DDOST: variants seen among roughly 807,000 people sequenced by gnomAD.
DDOST encodes dolichyl-diphosphooligosaccharide--protein glycosyltransferase 48 kDa subunit.
DDOST carries 25 observed loss-of-function variants against 47.6 expected under a neutral mutation model. The ratio of observed to expected loss-of-function variants is 0.53; its 90% CI spans 0.38 to 0.73. The LOEUF is 0.73. DDOST is among the 30% of genes least tolerant of loss of function. The probability of loss-of-function intolerance (pLI) is 0.00; values close to 1 mark genes in which losing one functional copy is unlikely to be tolerated. For missense variants in DDOST, 526 were observed against 573.9 expected, an observed-to-expected ratio of 0.92 and a Z score of 0.85; for synonymous variants, 275 against 236.0, an observed-to-expected ratio of 1.17 and a Z score of -1.51.
intron 8 of DDOST, 34 bp downstream of exon 8, chr1:20,653,593 C>T (rs771053378): frequency 1.7e-6 from 2 of 1,174,098 alleles, no homozygotes; most frequent in Non-Finnish European, 2.4e-6. Context: ...GCTTGGCAAA[C>T]CCTTTGGGCC....
Position 20,660,916 on chromosome 1 carries a change from T to C in DDOST, c.230A>G (p.Tyr77Cys), listed in dbSNP as rs375334867. The change falls in exon 2 of 11, where the codon TAT becomes TGT. Residue 77 changes from tyrosine (Y) to cysteine (C), a missense_variant. Tyr to Cys is a radical substitution (Grantham distance 194). Coordinates refer to ENST00000602624, the MANE Select transcript of DDOST (RefSeq NM_005216.5). Reference sequence around the variant, plus strand: ...AGGGGAGAAAATGATGAGATTGTCATAGAGGAATTCCCCATACTTTATGAG... The same window carrying C: ...AGGGGAGAAAATGATGAGATTGTCACAGAGGAATTCCCCATACTTTATGAG... ...LSLIKYGEFL[Y>C]DNLIIFSPSV... The C allele has an allele frequency of 2.5e-6, 4 of 1,612,972 alleles. No homozygotes were observed. Among genetic ancestry groups the C allele is most frequent in the African/African-American group, 2.7e-5 (2 of 74,876 alleles).
chr1:20,657,264 G>A (rs946143418), intron 2 of DDOST, among the ~76,000 whole-genome samples: 4 of 152,220 alleles, frequency 2.6e-5, no homozygotes, highest in Admixed American at 1.3e-4. Flanking sequence ...CCCAGGCTGC[G>A]CAGGGCTCTG....
At chr1:20,656,759 T>A (rs1557573009) in intron 2 of DDOST, among the ~76,000 whole-genome samples, 1 of 152,226 alleles carries the variant, frequency 6.6e-6, no homozygotes, top group Admixed American at 6.5e-5. Flanking sequence ...CACTGCTTTT[T>A]AAAAAGTGAT....
Position 20,661,352 on chromosome 1 carries a change from T to C in DDOST, c.-2A>G, listed in dbSNP as rs2053433007. The C allele has an allele frequency of 6.2e-7, 1 of 1,612,832 alleles. No individual in the cohort carries two copies. Among genetic ancestry groups the C allele is most frequent in the Non-Finnish European group, 8.5e-7 (1 of 1,179,766 alleles). ...CCGGGCCGCGGTGCTGGGCTCCATC[T>C]TCCTCCTCCTGCCGAAGGACCCAGC... On this transcript the variant is annotated 5_prime_UTR_variant, in exon 1 of 11. Transcript: ENST00000602624.
rs148659651 is a variant in DDOST at position 20,660,223 on chromosome 1, C to G, written c.265+658G>C. Among the ~76,000 whole-genome samples, 440 of 152,240 alleles carry G rather than the reference C, an allele frequency of 2.9e-3. 1 individual carries two copies. The highest frequency in any genetic ancestry group is 0.01 in the African/African-American group (420 of 41,536). On this transcript the variant is annotated intron_variant, in intron 2 of 10. Coordinates refer to ENST00000602624, the MANE Select transcript of DDOST (RefSeq NM_005216.5). ...TCTAAGGTGCTGGGGAGCATAAGAA[C>G]AAAATAAAGCAGGAGACAATATTTC... is the stretch of plus-strand genomic sequence containing the variant.
chr1:20,655,743 A>G lies in DDOST; in HGVS notation c.389T>C (p.Ile130Thr), dbSNP rs1322696367. Residue 130 changes from isoleucine (I) to threonine (T), a missense_variant, in exon 4 of 11, where the codon ATT becomes ACT. Physicochemically the swap from Ile to Thr is moderately conservative, Grantham distance 89 (BLOSUM62 -1). Coordinates refer to ENST00000602624, the MANE Select transcript of DDOST (RefSeq NM_005216.5). ...PLRELGSECG[I>T]EFDEEKTAVI... is the part of the protein sequence containing the mutation. ...AGCCGTTTTCTCCTCGTCAAACTCA[A>G]TCCCGCACTCACTGCCCAGCTCTCG... 8 of 1,613,996 alleles carry G rather than the reference A, an allele frequency of 5.0e-6. No individual in the cohort carries two copies. The highest frequency in any genetic ancestry group is 8.5e-7 in the Non-Finnish European group (1 of 1,179,980).
intron 2 of DDOST, among the ~76,000 whole-genome samples, chr1:20,660,071 C>CA (rs1252986626): frequency 2.0e-5 from 3 of 152,152 alleles, no homozygotes; most frequent in Non-Finnish European, 1.5e-5. Context: ...ACATGCTCAC[C>CA]AAAAAAGTAT....
intron 2 of DDOST, 77 bp from the exon 3 acceptor site, chr1:20,656,264 G>T: frequency 8.6e-7 from 1 of 1,168,326 alleles, no homozygotes; most frequent in Non-Finnish European, 1.3e-6. Context: ...GAGGGGACAT[G>T]AAGGGCAGAG....
rs779117025 is a variant in DDOST at position 20,655,423 on chromosome 1, C to T, written c.551+17G>A. 1 of 1,597,156 alleles carries T rather than the reference C, an allele frequency of 6.3e-7. No individual in the cohort carries two copies. Among genetic ancestry groups the T allele is most frequent in the East Asian group, 2.2e-5 (1 of 44,722 alleles). On this transcript the variant is annotated intron_variant, in intron 5 of 10. Transcript: ENST00000602624. ...TCCCCCAGGTTTCTGCTGTCCTCTCCCTGCTCACTCACTCACCCAACACCT... is the reference window on the plus strand; with the variant it reads ...TCCCCCAGGTTTCTGCTGTCCTCTCTCTGCTCACTCACTCACCCAACACCT...
intron 2 of DDOST, among the ~76,000 whole-genome samples, chr1:20,659,837 G>A (rs1277910599): frequency 1.3e-5 from 2 of 152,236 alleles, no homozygotes; most frequent in East Asian, 1.9e-4. Flanking sequence ...TTGAACCTGG[G>A]AGGTCGAGGC....
At chr1:20,655,177 T>TTG (rs1320843358) in intron 5 of DDOST, among the ~76,000 whole-genome samples, 6 of 147,966 alleles carry the variant, frequency 4.1e-5, no homozygotes, top group Non-Finnish European at 7.5e-5. Context: ...TTTTGTTTTT[T>TTG]TTTTTTTTTT....
At chr1:20,659,303 G>A (rs625149) in intron 2 of DDOST, among the ~76,000 whole-genome samples, 90,648 of 151,876 alleles carry the variant, frequency 0.6, 27,195 homozygotes, top group Middle Eastern at 0.63. Flanking sequence ...ACTCTCTGTC[G>A]TTTCTCCCAC....
Position 20,661,244 on chromosome 1 carries a change from T to C in DDOST, c.107A>G (p.Asn36Ser), listed in dbSNP as rs773029088. 5 of 1,613,870 alleles carry C rather than the reference T, an allele frequency of 3.1e-6. No individual in the cohort carries two copies. The highest frequency in any genetic ancestry group is 4.5e-5 in the East Asian group (2 of 44,872). The change falls in exon 1 of 11, where the codon AAC becomes AGC. Residue 36 changes from asparagine (N) to serine (S), a missense_variant. Transcript: ENST00000602624. ...CGAATGAGTCTCCCGCACGTTGAGG[T>C]TGTCCAGCAGCACTAAGGTGCGGGG... ...SGPRTLVLLD[N>S]LNVRETHSLF... is the part of the protein sequence containing the mutation.
In DDOST at chr1:20,652,642, T is replaced by G. The variant is rs753945605; in HGVS notation, c.1149A>C (p.Thr383=). ...FKVDYNRLGY[T]HLYSSTQVSV... is the part of the protein sequence containing the mutation. The stretch of plus-strand genomic sequence containing the variant: ...TTACCTGAGTGGAAGAGTACAGGTG[T>G]GTGTAGCCTAGCCGGTTGTAATCCA... The change falls in exon 10 of 11, where the codon ACA becomes ACC. Residue 383 remains threonine (T), a synonymous_variant. Coordinates refer to ENST00000602624, the MANE Select transcript of DDOST (RefSeq NM_005216.5). 6.2e-7 allele frequency: 1 copy of G among 1,614,176 alleles called. No individual in the cohort carries two copies. The highest frequency in any genetic ancestry group is 1.1e-5 in the South Asian group (1 of 91,082).
intron 2 of DDOST, 51 bp downstream of exon 2, chr1:20,660,827 CCAT>C: frequency 9.6e-7 from 1 of 1,044,584 alleles, no homozygotes; most frequent in Non-Finnish European, 1.5e-6. Context: ...AGAAAGCAAT[CCAT>C]CAAGTCCCGG....
At chr1:20,652,754 G>T in intron 9 of DDOST, 27 bp from the exon 10 acceptor site, 1 of 1,613,660 alleles carries the variant, frequency 6.2e-7, no homozygotes, top group Non-Finnish European at 8.5e-7. Flanking sequence ...AAGAATAACC[G>T]GGAGGGGTTT....
chr1:20,658,342 T>TC (rs1314786164), intron 2 of DDOST, among the ~76,000 whole-genome samples: 1 of 152,030 alleles, frequency 6.6e-6, no homozygotes, highest in Non-Finnish European at 1.5e-5. Flanking sequence ...CCTGAGAGGG[T>TC]GACAGTGACA....
intron 5 of DDOST, 36 bp from the exon 6 acceptor site, chr1:20,654,743 A>G: frequency 2.8e-6 from 4 of 1,445,164 alleles, no homozygotes; most frequent in Non-Finnish European, 3.8e-6. Flanking sequence ...CACTGGCCCC[A>G]GGAACTGAGC....
chr1:20,656,070 A>G, intron 3 of DDOST, 31 bp downstream of exon 3: 3 of 1,574,952 alleles, frequency 1.9e-6, no homozygotes, highest in South Asian at 2.2e-5. Context: ...GGAGAAGTGG[A>G]AAGCACCAGA....
Sources: allele counts gnomAD v4.1 joint callset (sites outside exome capture counted in the v4.1 genomes callset), GRCh38; gene constraint gnomAD v4.1.1; transcripts MANE v1.5; gene names NCBI Gene and HGNC (gene_info 2026-07-23, HGNC 2026-07-21).